Variants in RECQL4 observed in about 807,000 individuals in gnomAD.
The protein encoded by RECQL4 is RecQ like helicase 4.
Under a neutral mutation model 128.6 loss-of-function variants are expected in RECQL4, and 158 were observed. The ratio of observed to expected loss-of-function variants is 1.23; its 90% CI spans 1.08 to 1.40. The LOEUF (loss-of-function observed/expected upper bound fraction) is 1.40. Ranked by LOEUF, RECQL4 falls within the 40% of genes most tolerant of loss-of-function variation. RECQL4 has a pLI of 0.00. For missense variants in RECQL4, 2,293 were observed against 1,649.8 expected (o/e 1.39, Z -6.75); for synonymous variants, 996 against 678.9 (o/e 1.47, Z -7.26).
intron 4 of RECQL4, 73 bp downstream of exon 4, chr8:144,516,977 A>C: frequency 6.5e-7 from 1 of 1,542,962 alleles, no homozygotes; most frequent in Non-Finnish European, 8.8e-7. Context: ...GTGTGGAAAA[A>C]ATGACAAGAG....
Position 144,516,069 on chromosome 8 carries a change from C to G in RECQL4, c.1050G>C (p.Arg350Ser). Residue 350 changes from arginine (R) to serine (S), a missense_variant, in exon 5 of 21, where the codon AGG (arginine) becomes AGC (serine). By Grantham distance (110) the Arg-to-Ser change is moderately radical (BLOSUM62 -1). Coordinates refer to ENST00000617875, the MANE Select transcript of RECQL4 (RefSeq NM_004260.4). Reference protein sequence around the residue: ...HIFPRLARHDRGNYVRLNMKQ... With the variant: ...HIFPRLARHDSGNYVRLNMKQ... ...TCATGTTGAGCCGTACGTAATTGCC[C>G]CTGTCATGGCGGGCCAGCCGAGGGA... 5 of 1,612,776 alleles carry G rather than the reference C, an allele frequency of 3.1e-6. No homozygotes were observed. Among genetic ancestry groups the G allele is most frequent in the Non-Finnish European group, 4.2e-6 (5 of 1,179,868 alleles).
rs772882711 is a variant in RECQL4, at chr8:144,515,310, G to A, written c.1390+16C>T. ...ACCCCTCAGTGAAGGCTCTGGGCCA[G>A]AAGCTGACTGCTCACCTGCCAACTG... On this transcript the variant is annotated intron_variant, in intron 7 of 20. Coordinates refer to ENST00000617875, the MANE Select transcript of RECQL4 (RefSeq NM_004260.4). 1.4e-5 allele frequency: 22 copies of A among 1,612,034 alleles called. No homozygotes were observed. The highest frequency in any genetic ancestry group is 1.6e-4 in the Middle Eastern group (1 of 6,080).
chr8:144,514,442 C>G lies in RECQL4; in HGVS notation c.1704G>C (p.Lys568Asn). The G allele has an allele frequency of 6.2e-7, 1 of 1,611,492 alleles. No homozygotes were observed. Among genetic ancestry groups the G allele is most frequent in the Non-Finnish European group, 8.5e-7 (1 of 1,179,048 alleles). The change falls in exon 10 of 21, where the codon AAG becomes AAC. Residue 568 changes from lysine to asparagine, a missense_variant and splice_region_variant. Physicochemically the swap from Lys to Asn is moderately conservative, Grantham distance 94. Coordinates refer to ENST00000617875, the MANE Select transcript of RECQL4 (RefSeq NM_004260.4). ...TRKQRESVLQ[K>N]IRAAQVHVLM... Reference sequence around the variant, plus strand: ...ACCCCTAGGCCCATGAGGCCCCCACCTTCTGCAGGACAGATTCCCGTTGCT... The same window carrying G: ...ACCCCTAGGCCCATGAGGCCCCCACGTTCTGCAGGACAGATTCCCGTTGCT...
intron 3 of RECQL4, 108 bp from the exon 4 acceptor site, chr8:144,517,298 G>T (rs1815292531): frequency 3.3e-6 from 5 of 1,492,880 alleles, no homozygotes; most frequent in Non-Finnish European, 4.5e-6. Context: ...TCTTCACTTT[G>T]CCCAGTCCCC....
Position 144,512,170 on chromosome 8 carries a change from C to T in RECQL4, c.3210G>A (p.Leu1070=), listed in dbSNP as rs539631209. The change falls in exon 18 of 21, where the codon CTG becomes CTA. Residue 1070 remains leucine (L), a synonymous_variant. Coordinates refer to ENST00000617875, the MANE Select transcript of RECQL4 (RefSeq NM_004260.4). Reference sequence around the variant, plus strand: ...TGTGAAAGGCCTGGAAGGTTCTGCGCAGACGGGCCAGGGCCTGGCGCTCCC... The same window carrying T: ...TGTGAAAGGCCTGGAAGGTTCTGCGTAGACGGGCCAGGGCCTGGCGCTCCC... ...QARERQALAR[L]RRTFQAFHSV... is the part of the protein sequence containing the mutation. 7.1e-5 allele frequency: 115 copies of T among 1,611,054 alleles called. No individual in the cohort carries two copies. The highest frequency in any genetic ancestry group is 1.0e-4 in the Admixed American group (6 of 59,864).
At position 144,512,908 on chromosome 8, in the gene RECQL4, C is replaced by T. The variant is rs1382869672; in HGVS notation, c.2694G>A (p.Met898Ile). ...QAAPGPRRVC[M>I]GHERALPIQL... ...GTATTGGGAGTGCCCGCTCATGGCC[C>T]ATGCAGACCCTTCTGGGTCCTGGGG... is the stretch of plus-strand genomic sequence containing the variant. The change falls in exon 15 of 21, where the codon ATG becomes ATA. Residue 898 changes from methionine to isoleucine, a missense_variant. Met to Ile is a conservative substitution (Grantham distance 10). Transcript: ENST00000617875. The T allele has an allele frequency of 1.9e-6, 3 of 1,587,932 alleles. No homozygotes were observed. Among genetic ancestry groups the T allele is most frequent in the Non-Finnish European group, 2.6e-6 (3 of 1,167,332 alleles).
chr8:144,517,330 GGCGGCCTGGCCGC>G lies in RECQL4; in HGVS notation c.213+71_213+83del. 4.1e-6 allele frequency: 6 copies of G among 1,478,694 alleles called. No individual in the cohort carries two copies. In the Admixed American group the frequency reaches 6.3e-5, roughly 15 times the overall value. 91.6% of individuals were successfully genotyped at this position (1,478,694 alleles called of 1,614,324 possible). A position where few individuals can be genotyped will look rare whatever the true frequency, so the allele number is the denominator to read the frequency against. ...CCCCCTCCCAAGTTCTGTGCCCCAC[GGCGGCCTGGCCGC>G]GACTCCGTGGCTCCCGCCACTCCGC... On this transcript the variant is annotated intron_variant, in intron 3 of 20. Transcript: ENST00000617875.
rs1564787794 is a variant in RECQL4, at chr8:144,511,808, C to T, written c.3394-19G>A. The T allele has an allele frequency of 1.2e-6, 2 of 1,612,036 alleles. No individual in the cohort carries two copies. The highest frequency in any genetic ancestry group is 2.7e-5 in the African/African-American group (2 of 75,064). On this transcript the variant is annotated intron_variant, in intron 19 of 20. Coordinates refer to ENST00000617875, the MANE Select transcript of RECQL4 (RefSeq NM_004260.4). ...CCTGGAGCTGTGTGGACAGGCACAT[C>T]AGGCTTCCTCTGAGCTCCCGTGGCA...
chr8:144,512,098 C>T (rs1394339121), intron 18 of RECQL4, 31 bp from the exon 19 acceptor site: 2 of 1,604,194 alleles, frequency 1.2e-6, no homozygotes, highest in Non-Finnish European at 1.7e-6. Flanking sequence ...GAGCTGATCA[C>T]TGCGGGAGGG....
chr8:144,515,693 T>A (rs1002430382), intron 6 of RECQL4, 71 bp downstream of exon 6: 1 of 1,565,266 alleles, frequency 6.4e-7, no homozygotes. Context: ...GGAACATAAG[T>A]GTCCCCCAAA....
chr8:144,512,795 G>T, intron 15 of RECQL4, 24 bp from the exon 16 acceptor site: 2 of 1,610,470 alleles, frequency 1.2e-6, no homozygotes, highest in Non-Finnish European at 1.7e-6. Context: ...AGGGCTCAGC[G>T]GACGCGGGGA....
In RECQL4 at chr8:144,515,446, C is replaced by T. The variant is rs765611938; in HGVS notation, c.1270G>A (p.Asp424Asn). The change falls in exon 7 of 21, where the codon GAC (aspartate) becomes AAC (asparagine). Residue 424 changes from aspartate (D) to asparagine (N), a missense_variant. Coordinates refer to ENST00000617875, the MANE Select transcript of RECQL4 (RefSeq NM_004260.4). Reference sequence around the variant, plus strand: ...GGCTCAGGCCCAACAGCATCTGTGTCTTCCTCACTTGCTGGGGCAGGCAGG... The same window carrying T: ...GGCTCAGGCCCAACAGCATCTGTGTTTTCCTCACTTGCTGGGGCAGGCAGG... Reference protein sequence around the residue: ...AQCPRPASEEDTDAVGPEPLV... With the variant: ...AQCPRPASEENTDAVGPEPLV... 14 of 1,612,650 alleles carry T rather than the reference C, an allele frequency of 8.7e-6. No homozygotes were observed. The highest frequency in any genetic ancestry group is 4.0e-5 in the African/African-American group (3 of 74,932).
chr8:144,512,583 CAT>C (rs759100987), intron 16 of RECQL4, 22 bp from the exon 17 acceptor site: 2 of 1,612,248 alleles, frequency 1.2e-6, no homozygotes, highest in South Asian at 1.1e-5. Context: ...GAAAAAGGGA[CAT>C]GTGGCCAACA....
Position 144,512,992 on chromosome 8 carries a change from C to A in RECQL4, c.2610G>T (p.Gly870=). ...GGGGGTACTTGGGCACAGGCCTCTC[C>A]CCACCCACGGCCCCTTCCTGCTCCG... The part of the protein sequence containing the change: ...PPSEQEGAVG[G]ERPVPKYPPQ... Residue 870 remains glycine (G), a synonymous_variant, in exon 15 of 21, where the codon GGG becomes GGT. Coordinates refer to ENST00000617875, the MANE Select transcript of RECQL4 (RefSeq NM_004260.4). The A allele has an allele frequency of 6.4e-7, 1 of 1,570,332 alleles. No individual in the cohort carries two copies. The highest frequency in any genetic ancestry group is 8.6e-7 in the Non-Finnish European group (1 of 1,158,434).
At chr8:144,513,528 C>T (rs776725202) in intron 13 of RECQL4, 43 bp downstream of exon 13, 27 of 1,610,684 alleles carry the variant, frequency 1.7e-5, no homozygotes, top group Non-Finnish European at 2.3e-5. Flanking sequence ...CCATGTGTGC[C>T]CAAGGTGGGT....
In RECQL4 at chr8:144,517,424, G is replaced by A. The variant is rs2130740261; in HGVS notation, c.203C>T (p.Ala68Val). The change falls in exon 3 of 21, where the codon GCG becomes GTG. Residue 68 changes from alanine to valine, a missense_variant. Coordinates refer to ENST00000617875, the MANE Select transcript of RECQL4 (RefSeq NM_004260.4). ...GLRSSESLPAAAEEAPEPRCW... is the reference protein window; with the variant it reads ...GLRSSESLPAVAEEAPEPRCW... ...GCGGGGCCTGGGTACCTCTTCGGCCGCCGCGGGGAGCGACTCGGAGCTGCG... is the reference window on the plus strand; with the variant it reads ...GCGGGGCCTGGGTACCTCTTCGGCCACCGCGGGGAGCGACTCGGAGCTGCG... 1 of 1,576,132 alleles carries A rather than the reference G, an allele frequency of 6.3e-7. No homozygotes were observed. The highest frequency in any genetic ancestry group is 8.6e-7 in the Non-Finnish European group (1 of 1,166,650).
intron 9 of RECQL4, 96 bp downstream of exon 9, chr8:144,514,840 G>A (rs1586813760): frequency 4.1e-6 from 6 of 1,456,392 alleles, no homozygotes; most frequent in South Asian, 2.5e-5. Context: ...AGCTCCCAGG[G>A]GAGGGGGTGG....
At position 144,513,732 on chromosome 8, in the gene RECQL4, G is replaced by T; in HGVS notation, c.2059-20C>A. ...CAGTGCCTGATGAGGAGCGGTTGGCGTGGGCAGTGGGGAGTGAGGAGGGGT... is the reference window on the plus strand; with the variant it reads ...CAGTGCCTGATGAGGAGCGGTTGGCTTGGGCAGTGGGGAGTGAGGAGGGGT... On this transcript the variant is annotated intron_variant, in intron 12 of 20. Transcript: ENST00000617875. 6.5e-7 allele frequency: 1 copy of T among 1,526,920 alleles called. No homozygotes were observed. Among genetic ancestry groups the T allele is most frequent in the Non-Finnish European group, 8.8e-7 (1 of 1,134,804 alleles). The allele number at this position is 1,526,920 out of a possible 1,614,324, so 94.6% of individuals were successfully genotyped here. A position where few individuals can be genotyped will look rare whatever the true frequency, so the allele number is the denominator to read the frequency against.
chr8:144,513,315 A>G lies in RECQL4; in HGVS notation c.2366T>C (p.Leu789Pro), dbSNP rs772759520. 6.2e-7 allele frequency: 1 copy of G among 1,601,898 alleles called. No homozygotes were observed. The highest frequency in any genetic ancestry group is 2.2e-5 in the East Asian group (1 of 44,864). Reference sequence around the variant, plus strand: ...GCTCTCGAAGCTTGGGGGCAGCCCCAGATGCAGCACAGCCCGCACATCTGG... The same window carrying G: ...GCTCTCGAAGCTTGGGGGCAGCCCCGGATGCAGCACAGCCCGCACATCTGG... ...DRPDVRAVLHLGLPPSFESYV... is the reference protein window; with the variant it reads ...DRPDVRAVLHPGLPPSFESYV... The change falls in exon 14 of 21, where the codon CTG (leucine) becomes CCG (proline). Residue 789 changes from leucine to proline, a missense_variant. Coordinates refer to ENST00000617875, the MANE Select transcript of RECQL4 (RefSeq NM_004260.4).
Sources: allele counts gnomAD v4.1 joint callset, GRCh38; gene constraint gnomAD v4.1.1; transcripts MANE v1.5; gene names NCBI Gene and HGNC (gene_info 2026-07-23, HGNC 2026-07-21).